SWT1: variants seen among roughly 807,000 people sequenced by gnomAD.
SWT1 encodes the protein SWT1 RNA endoribonuclease homolog.
Under a neutral mutation model 107.3 loss-of-function variants are expected in SWT1, and 33 were observed. The observed-to-expected ratio is 0.31, with a 90% CI of 0.23 to 0.41. SWT1 has a LOEUF of 0.41. Among genes scored for constraint, SWT1 ranks in the 10% least tolerant of loss-of-function variants. SWT1 has a pLI of 1.00. For missense variants in SWT1, 898 were observed against 1,028.9 expected, an observed-to-expected ratio of 0.87 and a Z score of 1.74; for synonymous variants, 345 against 348.3, an observed-to-expected ratio of 0.99 and a Z score of 0.11.
Position 185,290,863 on chromosome 1 carries a change from C to T in SWT1, c.*60C>T. On this transcript the variant is annotated 3_prime_UTR_variant, in exon 19 of 19. Transcript: ENST00000367500. Reference sequence around the variant, plus strand: ...TCCTTAAGAATAACAGAGTAGTTTTCAATCTGGTCACTCTTTTGGGCCAAA... The same window carrying T: ...TCCTTAAGAATAACAGAGTAGTTTTTAATCTGGTCACTCTTTTGGGCCAAA... 3.4e-6 allele frequency: 5 copies of T among 1,459,696 alleles called. No individual in the cohort carries two copies. The allele number at this position is 1,459,696 out of a possible 1,614,324, so 90.4% of individuals were successfully genotyped here. A position where few individuals can be genotyped will look rare whatever the true frequency, so the allele number is the denominator to read the frequency against.
At chr1:185,180,651 A>G (rs746661186) in intron 6 of SWT1, among the ~76,000 whole-genome samples, 43 of 152,222 alleles carry the variant, frequency 2.8e-4, no homozygotes, top group Non-Finnish European at 4.0e-4. Flanking sequence ...TTTTGTTTCT[A>G]GTAAGGTTAT....
chr1:185,180,557 A>T, intron 6 of SWT1, 107 bp downstream of exon 6: 1 of 785,580 alleles, frequency 1.3e-6, no homozygotes, highest in Non-Finnish European at 2.1e-6. Context: ...GAAAATAACA[A>T]TGATGTCTCT....
At chr1:185,171,664 C>CT (rs937418762) in intron 4 of SWT1, 1,412 of 442,306 alleles carry the variant, frequency 3.2e-3, no homozygotes, top group East Asian at 7.2e-3. Context: ...GAACCTGCTT[C>CT]TTTTTTTTTT....
chr1:185,256,736 G>C (rs28875322), intron 16 of SWT1, among the ~76,000 whole-genome samples: 5,909 of 151,206 alleles, frequency 0.039, 286 homozygotes, highest in African/African-American at 0.096. Flanking sequence ...ATGTCCTCCC[G>C]TAGCTCAGAG....
At chr1:185,169,205 C>G (rs1654836909) in intron 4 of SWT1, among the ~76,000 whole-genome samples, 1 of 151,558 alleles carries the variant, frequency 6.6e-6, no homozygotes, top group African/African-American at 2.4e-5. Context: ...TATATTCTTG[C>G]ACTAATTTCA....
At chr1:185,207,867 C>G (rs1368630832) in intron 13 of SWT1, among the ~76,000 whole-genome samples, 1 of 152,180 alleles carries the variant, frequency 6.6e-6, no homozygotes, top group Non-Finnish European at 1.5e-5. Flanking sequence ...TGCCACTGCA[C>G]TCCGGCCTGG....
chr1:185,218,800 T>A (rs1242086299), intron 14 of SWT1, among the ~76,000 whole-genome samples: 1 of 152,208 alleles, frequency 6.6e-6, no homozygotes, highest in East Asian at 1.9e-4. Flanking sequence ...ATTTTTAACC[T>A]CTAGTTAATT....
chr1:185,200,535 G>C (rs1657784168), intron 10 of SWT1, among the ~76,000 whole-genome samples: 1 of 152,170 alleles, frequency 6.6e-6, no homozygotes, highest in Non-Finnish European at 1.5e-5. Context: ...GAGTTTGCTG[G>C]AGTTCCACTC....
intron 13 of SWT1, among the ~76,000 whole-genome samples, chr1:185,213,905 AT>A (rs977501396): frequency 6.6e-6 from 1 of 152,070 alleles, no homozygotes; most frequent in Non-Finnish European, 1.5e-5. Flanking sequence ...CTCACTTTTA[AT>A]TTACAGGAAA....
intron 15 of SWT1, chr1:185,226,723 C>G (rs1441657403): frequency 1.0e-5 from 5 of 488,920 alleles, no homozygotes; most frequent in Non-Finnish European, 1.6e-5. Context: ...CTCATTTAAG[C>G]TTCTGAGACT....
At chr1:185,259,530 G>A (rs1422279480) in intron 16 of SWT1, among the ~76,000 whole-genome samples, 3 of 151,994 alleles carry the variant, frequency 2.0e-5, no homozygotes, top group African/African-American at 7.2e-5. Flanking sequence ...ACATCAGAAT[G>A]CCCACTTACT....
At chr1:185,164,778 A>G (rs1654439306) in intron 2 of SWT1, among the ~76,000 whole-genome samples, 1 of 152,140 alleles carries the variant, frequency 6.6e-6, no homozygotes, top group Non-Finnish European at 1.5e-5. Context: ...TTGATTTTCT[A>G]TCCAAACCAC....
At chr1:185,285,121 A>C (rs1221721332) in intron 18 of SWT1, among the ~76,000 whole-genome samples, 1 of 152,120 alleles carries the variant, frequency 6.6e-6, no homozygotes, top group Non-Finnish European at 1.5e-5. Flanking sequence ...TATCTGACTC[A>C]GTACTTTTCT....
rs571156852 is a variant in SWT1, at chr1:185,273,571, C to G, written c.2508+2182C>G. 2.8e-4 allele frequency among the ~76,000 whole-genome samples: 42 copies of G among 151,534 alleles called. 1 individual carries two copies. In the East Asian group the frequency reaches 7.4e-3, roughly 27 times the overall value. On this transcript the variant is annotated intron_variant, in intron 17 of 18. Coordinates refer to ENST00000367500, the MANE Select transcript of SWT1 (RefSeq NM_017673.7). Reference sequence around the variant, plus strand: ...CAAAAAAATTAGCCGGGTATGGTGGCGGATGTCTGTAATCCCAGCTACTCA... The same window carrying G: ...CAAAAAAATTAGCCGGGTATGGTGGGGGATGTCTGTAATCCCAGCTACTCA...
chr1:185,255,789 T>C (rs1321928915), intron 16 of SWT1, among the ~76,000 whole-genome samples: 1 of 151,436 alleles, frequency 6.6e-6, no homozygotes, highest in Non-Finnish European at 1.5e-5. Context: ...CGTTTAAAGT[T>C]AATATTGTTA....
chr1:185,217,658 C>T (rs561857199), intron 14 of SWT1, among the ~76,000 whole-genome samples: 28 of 152,100 alleles, frequency 1.8e-4, no homozygotes, highest in African/African-American at 4.8e-4. Context: ...TACAATGGCA[C>T]GATCCCAGCT....
chr1:185,164,292 A>G (rs151331039), intron 2 of SWT1, among the ~76,000 whole-genome samples: 35 of 152,238 alleles, frequency 2.3e-4, no homozygotes, highest in African/African-American at 6.7e-4. Flanking sequence ...GAGCACAGGC[A>G]GAGTAGATTT....
chr1:185,212,913 T>G (rs1015185419), intron 13 of SWT1, among the ~76,000 whole-genome samples: 2 of 152,204 alleles, frequency 1.3e-5, no homozygotes, highest in African/African-American at 4.8e-5. Flanking sequence ...GAATTATATA[T>G]TTGTTTAACT....
chr1:185,234,930 A>G (rs1660755735), intron 16 of SWT1, among the ~76,000 whole-genome samples: 2 of 152,214 alleles, frequency 1.3e-5, no homozygotes, highest in African/African-American at 4.8e-5. Context: ...CTACTTATAA[A>G]CACCTCTATG....
Sources: gnomAD v4.1 joint callset for allele counts (sites outside exome capture counted in the v4.1 genomes callset) on GRCh38, gnomAD v4.1.1 for gene constraint, MANE v1.5 for transcripts, NCBI Gene and HGNC (gene_info 2026-07-23, HGNC 2026-07-21) for gene names.